The following NRP1 variants were observed in gnomAD, a reference collection of about 807,000 sequenced individuals.
The protein encoded by NRP1 is neuropilin-1.
A neutral mutation model predicts 106.7 loss-of-function variants in NRP1; 35 were observed. The observed-to-expected ratio is 0.33, with a 90% CI of 0.25 to 0.43. The LOEUF (loss-of-function observed/expected upper bound fraction) is 0.43, where lower values mean the gene tolerates loss of function less well. Among genes scored for constraint, NRP1 ranks in the 20% least tolerant of loss-of-function variants. The pLI is 1.00. For missense variants in NRP1, 1,024 were observed against 1,170.4 expected, an observed-to-expected ratio of 0.87 and a Z score of 1.83; for synonymous variants, 437 against 417.9, an observed-to-expected ratio of 1.05 and a Z score of -0.56.
intron 6 of NRP1, among the ~76,000 whole-genome samples, chr10:33,244,009 A>G (rs1841229940): frequency 6.6e-6 from 1 of 151,692 alleles, no homozygotes; most frequent in Admixed American, 6.6e-5. Flanking sequence ...AGCATCCAAA[A>G]TTGCTATTCT....
chr10:33,217,308 T>G (rs956463011), intron 8 of NRP1, among the ~76,000 whole-genome samples: 2 of 152,088 alleles, frequency 1.3e-5, no homozygotes, highest in African/African-American at 4.8e-5. Flanking sequence ...AGTGATGCCC[T>G]GTCCCCATTT....
At chr10:33,282,782 G>A (rs1183487812) in intron 2 of NRP1, among the ~76,000 whole-genome samples, 4 of 151,388 alleles carry the variant, frequency 2.6e-5, no homozygotes, top group Admixed American at 2.6e-4. Context: ...GTCTTGCTCT[G>A]TCACCCAGGG....
intron 6 of NRP1, among the ~76,000 whole-genome samples, chr10:33,250,533 G>C (rs1054172987): frequency 1.4e-4 from 22 of 152,204 alleles, no homozygotes; most frequent in African/African-American, 4.8e-4. Flanking sequence ...GATTCAGCAG[G>C]GAGGTGATGG....
At position 33,186,451 on chromosome 10, in the gene NRP1, A is replaced by T; in HGVS notation, c.2100T>A (p.Asn700Lys). Reference protein sequence around the residue: ...GNFIYSQADENQKGKVARLVS... With the variant: ...GNFIYSQADEKQKGKVARLVS... ...CCAGGCGAGCCACTTTGCCCTTCTG[A>T]TTTTCGTCAGCTTGGGAATAGATGA... is the stretch of plus-strand genomic sequence containing the variant. The change falls in exon 14 of 17, where the codon AAT (asparagine) becomes AAA (lysine). Residue 700 changes from asparagine to lysine, a missense_variant. Asn to Lys is a moderately conservative substitution (Grantham distance 94, BLOSUM62 0). Around this residue, in one of 5 missense-constraint regions of NRP1, gnomAD observed 562 missense variants for 620.3 expected, o/e 0.91. Transcript: ENST00000374867. 1 of 1,613,742 alleles carries T rather than the reference A, an allele frequency of 6.2e-7. No homozygotes were observed. The highest frequency in any genetic ancestry group is 1.1e-5 in the South Asian group (1 of 91,036).
chr10:33,269,768 G>T (rs770411973), intron 3 of NRP1, among the ~76,000 whole-genome samples: 1 of 152,016 alleles, frequency 6.6e-6, no homozygotes, highest in South Asian at 2.1e-4. Context: ...TCATAGGAGC[G>T]CAAACCCTAT....
intron 16 of NRP1, among the ~76,000 whole-genome samples, chr10:33,182,000 A>G (rs1368373257): frequency 1.3e-5 from 2 of 152,144 alleles, no homozygotes; most frequent in Non-Finnish European, 2.9e-5. Flanking sequence ...AGGTTGAGGC[A>G]GGAAAATCGC....
chr10:33,326,828 C>T (rs1398811386), intron 2 of NRP1, among the ~76,000 whole-genome samples: 1 of 152,104 alleles, frequency 6.6e-6, no homozygotes, highest in Non-Finnish European at 1.5e-5. Context: ...AAAGTATGAT[C>T]CAGAATTAAC....
At chr10:33,297,018 T>C (rs1021731857) in intron 2 of NRP1, among the ~76,000 whole-genome samples, 1 of 151,894 alleles carries the variant, frequency 6.6e-6, no homozygotes, top group Non-Finnish European at 1.5e-5. Flanking sequence ...AAAAAACCAA[T>C]TTAAACAAAG....
At chr10:33,314,002 C>T (rs568560848) in intron 2 of NRP1, among the ~76,000 whole-genome samples, 29 of 130,708 alleles carry the variant, frequency 2.2e-4, no homozygotes, top group Middle Eastern at 3.7e-3. Flanking sequence ...TCCCTCCTTT[C>T]GTTTTCCTTC....
At chr10:33,220,641 A>T (rs1839158770) in intron 8 of NRP1, among the ~76,000 whole-genome samples, 1 of 152,210 alleles carries the variant, frequency 6.6e-6, no homozygotes, top group South Asian at 2.1e-4. Flanking sequence ...CACGCCTGTA[A>T]TCCCAGCACT....
chr10:33,200,333 T>C (rs1837188054), intron 11 of NRP1, among the ~76,000 whole-genome samples: 1 of 152,198 alleles, frequency 6.6e-6, no homozygotes, highest in Admixed American at 6.5e-5. Flanking sequence ...CATTTGCAAA[T>C]GAGTAATTTC....
At chr10:33,276,879 T>C (rs1843734092) in intron 2 of NRP1, among the ~76,000 whole-genome samples, 1 of 152,130 alleles carries the variant, frequency 6.6e-6, no homozygotes, top group African/African-American at 2.4e-5. Context: ...CAAAGACATA[T>C]GTCCCATAAT....
intron 2 of NRP1, among the ~76,000 whole-genome samples, chr10:33,293,801 A>G (rs1455009308): frequency 6.6e-6 from 1 of 152,234 alleles, no homozygotes; most frequent in Non-Finnish European, 1.5e-5. Flanking sequence ...GCTGATTTGC[A>G]TAAGAAAGAT....
At chr10:33,268,194 T>A (rs1300563157) in intron 3 of NRP1, among the ~76,000 whole-genome samples, 1 of 152,306 alleles carries the variant, frequency 6.6e-6, no homozygotes, top group East Asian at 1.9e-4. Flanking sequence ...ATTATATTAA[T>A]GATTTTTATG....
At chr10:33,323,250 A>AG (rs397765353) in intron 2 of NRP1, among the ~76,000 whole-genome samples, 1 of 151,780 alleles carries the variant, frequency 6.6e-6, no homozygotes, top group African/African-American at 2.4e-5. Context: ...TCAAAAAAAA[A>AG]CCAGTCATAA....
chr10:33,223,020 T>C (rs193297836), intron 7 of NRP1, among the ~76,000 whole-genome samples: 1 of 152,364 alleles, frequency 6.6e-6, no homozygotes, highest in East Asian at 1.9e-4. Context: ...ATTTTAATTC[T>C]GCCTTGGGTT....
At chr10:33,293,687 G>A (rs980038271) in intron 2 of NRP1, among the ~76,000 whole-genome samples, 8 of 152,140 alleles carry the variant, frequency 5.3e-5, no homozygotes, top group African/African-American at 1.9e-4. Flanking sequence ...CAGAAAACAT[G>A]TTCGTTATTT....
intron 8 of NRP1, among the ~76,000 whole-genome samples, chr10:33,218,243 C>T (rs1838935885): frequency 6.6e-6 from 1 of 152,158 alleles, no homozygotes; most frequent in African/African-American, 2.4e-5. Flanking sequence ...CATCAATCAC[C>T]TATAAAGCAG....
intron 2 of NRP1, among the ~76,000 whole-genome samples, chr10:33,292,403 AT>A (rs1003302719): frequency 2.0e-5 from 3 of 152,148 alleles, no homozygotes; most frequent in African/African-American, 7.2e-5. Context: ...TTTCCAGCAT[AT>A]TTTTTTACAT....
Sources: allele counts gnomAD v4.1 joint callset (sites outside exome capture counted in the v4.1 genomes callset), GRCh38; gene constraint gnomAD v4.1.1; regional missense constraint gnomAD v4.1.1; transcripts MANE v1.5; gene names NCBI Gene and HGNC (gene_info 2026-07-23, HGNC 2026-07-21).